Variants in CEP70 observed in about 807,000 individuals in gnomAD.
CEP70 encodes centrosomal protein of 70 kDa.
A neutral mutation model predicts 90.9 loss-of-function variants in CEP70; 70 were observed. The ratio of observed to expected loss-of-function variants is 0.77; its 90% confidence interval spans 0.64 to 0.94. The LOEUF (loss-of-function observed/expected upper bound fraction) is 0.94. CEP70 is among the 40% of genes least tolerant of loss of function. CEP70 has a pLI of 0.00. For missense variants in CEP70, 648 were observed against 669.0 expected, an observed-to-expected ratio of 0.97 and a Z score of 0.35; for synonymous variants, 220 against 228.3, an observed-to-expected ratio of 0.96 and a Z score of 0.33.
At chr3:138,510,144 G>T (rs2035385190) in intron 11 of CEP70, among the ~76,000 whole-genome samples, 1 of 151,682 alleles carries the variant, frequency 6.6e-6, no homozygotes, top group African/African-American at 2.4e-5. Flanking sequence ...AACTGCAAAA[G>T]TTACAGCCAC....
At chr3:138,532,483 T>C in intron 8 of CEP70, 31 bp downstream of exon 8, 2 of 1,471,756 alleles carry the variant, frequency 1.4e-6, no homozygotes, top group East Asian at 2.6e-5. Flanking sequence ...GATTAAAACC[T>C]TTAAAAACTG....
chr3:138,525,568 T>C lies in CEP70; in HGVS notation c.870-4A>G, dbSNP rs2037144844. 2 of 1,312,120 alleles carry C rather than the reference T, an allele frequency of 1.5e-6. No homozygotes were observed. Among genetic ancestry groups the C allele is most frequent in the Non-Finnish European group, 2.0e-6 (2 of 997,100 alleles). 81.3% of individuals were successfully genotyped at this position (1,312,120 alleles called of 1,614,324 possible). On this transcript the variant is annotated splice_region_variant and splice_polypyrimidine_tract_variant and intron_variant, in intron 10 of 17. Coordinates refer to ENST00000264982, the MANE Select transcript of CEP70 (RefSeq NM_024491.4). The stretch of plus-strand genomic sequence containing the variant: ...TCTTAATTCATGCTGCGTAGGCCTG[T>C]GGAAAATAAATAATGATAAATTAAT...
In CEP70 at chr3:138,498,040, C is replaced by G; in HGVS notation, c.1723G>C (p.Glu575Gln). ...CCACCAGAGATCTTACCTAAGATTTCAAGTAGATCATTAGTAAATGCCTGA... is the reference window on the plus strand; with the variant it reads ...CCACCAGAGATCTTACCTAAGATTTGAAGTAGATCATTAGTAAATGCCTGA... The part of the protein sequence containing the change: ...AFQAFTNDLL[E>Q]ILEIDDLDAI... The change falls in exon 17 of 18, where the codon GAA (glutamate) becomes CAA (glutamine). Residue 575 changes from glutamate to glutamine, a missense_variant. Coordinates refer to ENST00000264982, the MANE Select transcript of CEP70 (RefSeq NM_024491.4). The G allele has an allele frequency of 1.2e-6, 2 of 1,612,904 alleles. No individual in the cohort carries two copies. Among genetic ancestry groups the G allele is most frequent in the Non-Finnish European group, 1.7e-6 (2 of 1,179,534 alleles).
At chr3:138,550,751 T>C (rs941556717) in intron 6 of CEP70, among the ~76,000 whole-genome samples, 4 of 152,118 alleles carry the variant, frequency 2.6e-5, no homozygotes, top group African/African-American at 4.8e-5. Flanking sequence ...AGCAATAGAA[T>C]TGAATAAGCA....
At chr3:138,556,527 CAAAAAA>C (rs57583939) in intron 6 of CEP70, among the ~76,000 whole-genome samples, 1 of 69,610 alleles carries the variant, frequency 1.4e-5, no homozygotes, top group Non-Finnish European at 2.5e-5. Flanking sequence ...GACTCTGTCT[CAAAAAA>C]AAAAAAAAAA....
intron 2 of CEP70, among the ~76,000 whole-genome samples, chr3:138,578,743 C>T (rs1259500779): frequency 6.6e-6 from 1 of 152,144 alleles, no homozygotes; most frequent in East Asian, 1.9e-4. Context: ...TTCAGAAAAA[C>T]TAATTTTACA....
At chr3:138,512,413 AT>A (rs1278155779) in intron 11 of CEP70, among the ~76,000 whole-genome samples, 1 of 152,132 alleles carries the variant, frequency 6.6e-6, no homozygotes, top group Non-Finnish European at 1.5e-5. Flanking sequence ...TCTATGTTAT[AT>A]TGCTGATGAT....
intron 11 of CEP70, among the ~76,000 whole-genome samples, chr3:138,520,120 C>G (rs188328658): frequency 6.4e-4 from 97 of 152,296 alleles, no homozygotes; most frequent in African/African-American, 2.1e-3. Flanking sequence ...ATCAATTCAA[C>G]AAGAAGAGCT....
chr3:138,586,898 G>T (rs1317883810), intron 2 of CEP70, among the ~76,000 whole-genome samples: 1 of 151,946 alleles, frequency 6.6e-6, no homozygotes, highest in Non-Finnish European at 1.5e-5. Context: ...ACCCTGATAT[G>T]ATTATTATAT....
chr3:138,564,854 A>G (rs1349728496), intron 6 of CEP70, among the ~76,000 whole-genome samples: 2 of 152,226 alleles, frequency 1.3e-5, no homozygotes, highest in Non-Finnish European at 2.9e-5. Context: ...CAGGGCAATC[A>G]GGCAAGAGAA....
In CEP70 at chr3:138,505,372, C is replaced by CT; in HGVS notation, c.1143dup (p.Asp382ArgfsTer9). 1.9e-6 allele frequency: 3 copies of CT among 1,612,440 alleles called. No homozygotes were observed. The highest frequency in any genetic ancestry group is 2.5e-6 in the Non-Finnish European group (3 of 1,179,350). On this transcript the variant is annotated frameshift_variant, in exon 13 of 18. Coordinates refer to ENST00000264982, the MANE Select transcript of CEP70 (RefSeq NM_024491.4). LOFTEE classifies it high-confidence loss of function. ...TCAAATCCACAATCTTGAACAAGAT[C>CT]TTTATTAAAATTTTGGACTCCCCCT...
At chr3:138,577,071 C>T (rs1283339310) in intron 2 of CEP70, among the ~76,000 whole-genome samples, 5 of 152,160 alleles carry the variant, frequency 3.3e-5, no homozygotes, top group Non-Finnish European at 7.3e-5. Context: ...TGGAAACCAT[C>T]ATTCTGAGCA....
intron 6 of CEP70, among the ~76,000 whole-genome samples, chr3:138,566,898 A>G (rs559234706): frequency 4.6e-5 from 7 of 152,270 alleles, no homozygotes; most frequent in African/African-American, 1.7e-4. Flanking sequence ...AACTGAAAGC[A>G]TATGTCCACA....
At chr3:138,583,056 T>C (rs2041946270) in intron 2 of CEP70, among the ~76,000 whole-genome samples, 1 of 151,940 alleles carries the variant, frequency 6.6e-6, no homozygotes, top group African/African-American at 2.4e-5. Context: ...AACACTAGAG[T>C]GGCCGAACTG....
chr3:138,548,177 A>T (rs1464623764), intron 6 of CEP70, among the ~76,000 whole-genome samples: 7 of 152,214 alleles, frequency 4.6e-5, no homozygotes, highest in Non-Finnish European at 4.4e-5. Context: ...ATATACCACA[A>T]CCAAGTGGAA....
chr3:138,527,422 C>T (rs2107734403), intron 10 of CEP70, among the ~76,000 whole-genome samples: 1 of 151,810 alleles, frequency 6.6e-6, no homozygotes, highest in South Asian at 2.1e-4. Flanking sequence ...GTAGGCCGGG[C>T]ACGGTGGCTC....
intron 12 of CEP70, among the ~76,000 whole-genome samples, chr3:138,505,937 C>A (rs1170144183): frequency 1.3e-5 from 2 of 152,218 alleles, no homozygotes; most frequent in Admixed American, 1.3e-4. Context: ...TTCCCAGACA[C>A]ATCCAGAATA....
At chr3:138,540,211 T>C (rs1392374293) in intron 6 of CEP70, among the ~76,000 whole-genome samples, 1 of 151,798 alleles carries the variant, frequency 6.6e-6, no homozygotes, top group Non-Finnish European at 1.5e-5. Context: ...AAAAAAAGCT[T>C]AGGCCAGGCG....
At chr3:138,568,585 G>A (rs1467917621) in intron 6 of CEP70, among the ~76,000 whole-genome samples, 2 of 152,072 alleles carry the variant, frequency 1.3e-5, no homozygotes, top group Non-Finnish European at 2.9e-5. Context: ...ATATCTAAGA[G>A]CAAGGTCAAA....
Sources: gnomAD v4.1 joint callset for allele counts (sites outside exome capture counted in the v4.1 genomes callset) on GRCh38, gnomAD v4.1.1 for gene constraint, MANE v1.5 for transcripts, NCBI Gene and HGNC (gene_info 2026-07-23, HGNC 2026-07-21) for gene names.